Variants in ADCY9 observed in about 807,000 individuals in gnomAD.
ADCY9 encodes the protein adenylate cyclase type 9.
ADCY9 carries 50 observed loss-of-function variants against 101.5 expected under a neutral mutation model. The ratio of observed to expected loss-of-function variants is 0.49; its 90% CI spans 0.39 to 0.62. The LOEUF (loss-of-function observed/expected upper bound fraction) is 0.62, where lower values mean the gene tolerates loss of function less well. Ranked by LOEUF, ADCY9 falls within the 20% of genes least tolerant of loss-of-function variation. The pLI is 0.00. For missense variants in ADCY9, 1,662 were observed against 1,800.4 expected, an observed-to-expected ratio of 0.92 and a Z score of 1.39; for synonymous variants, 905 against 769.3, an observed-to-expected ratio of 1.18 and a Z score of -2.92.
At position 4,115,437 on chromosome 16, in the gene ADCY9, A is replaced by G; in HGVS notation, c.6T>C (p.Ala2=). 6.5e-7 allele frequency: 1 copy of G among 1,546,742 alleles called. No individual in the cohort carries two copies. Among genetic ancestry groups the G allele is most frequent in the Non-Finnish European group, 8.7e-7 (1 of 1,145,644 alleles). Residue 2 remains alanine (A), a synonymous_variant, in exon 2 of 11, where the codon GCT becomes GCC. Coordinates refer to ENST00000294016, the MANE Select transcript of ADCY9 (RefSeq NM_001116.4). This position sits in a 1 kb window ranked among gnomAD's most constrained non-coding sequence, Gnocchi z 6.2. M[A]SPPHQQLLHH... The stretch of plus-strand genomic sequence containing the variant: ...GCAGCAGCTGCTGGTGGGGTGGGGA[A>G]GCCATGTTGTCGAGTCCCGGGGCCT...
At chr16:4,018,193 T>C (rs548698455) in intron 2 of ADCY9, among the ~76,000 whole-genome samples, 2 of 151,560 alleles carry the variant, frequency 1.3e-5, no homozygotes, top group East Asian at 3.9e-4. Context: ...GGAAAAGCTC[T>C]AAGTTGCGGA....
chr16:4,082,998 G>C lies in ADCY9; in HGVS notation c.1693+30752C>G, dbSNP rs190152993. 2.7e-3 allele frequency among the ~76,000 whole-genome samples: 412 copies of C among 152,328 alleles called. 4 individuals are homozygous for C. Among genetic ancestry groups the C allele is most frequent in the African/African-American group, 9.5e-3 (396 of 41,582 alleles). ...CACTGTGTCATTCGGAATGGCTGCA[G>C]CCACTTTGTGCCACAAGGGAAGACA... On this transcript the variant is annotated intron_variant, in intron 2 of 10. Transcript: ENST00000294016.
At chr16:4,091,064 A>ATTATT (rs139952300) in intron 2 of ADCY9, among the ~76,000 whole-genome samples, 4 of 151,460 alleles carry the variant, frequency 2.6e-5, no homozygotes, top group East Asian at 2.0e-4. Context: ...TTCCTATTTT[A>ATTATT]TTATTTTATT....
At chr16:4,014,110 G>C (rs955405961) in intron 2 of ADCY9, among the ~76,000 whole-genome samples, 5 of 152,156 alleles carry the variant, frequency 3.3e-5, no homozygotes, top group African/African-American at 9.7e-5. Context: ...GTTGTGCTCA[G>C]GAGTTTGAGA....
intron 2 of ADCY9, among the ~76,000 whole-genome samples, chr16:4,063,606 G>C (rs555539074): frequency 1.1e-4 from 17 of 151,952 alleles, no homozygotes; most frequent in African/African-American, 3.1e-4. Context: ...CAGCTCCTTG[G>C]GGGGCTGAGG....
rs1381298218 is a variant in ADCY9 at position 3,965,331 on chromosome 16, CAG to C, written c.*442_*443del. The C allele has an allele frequency of 1.0e-5, 2 of 193,860 alleles. No homozygotes were observed. Among genetic ancestry groups the C allele is most frequent in the African/African-American group, 4.7e-5 (2 of 42,434 alleles). 12.0% of individuals were successfully genotyped at this position (193,860 alleles called of 1,614,324 possible). ...TCGTAGAGGAACACTGTGACATAGA[CAG>C]AAACAAAATAAACTCAAAAACAGGG... On this transcript the variant is annotated 3_prime_UTR_variant, in exon 11 of 11. Coordinates refer to ENST00000294016, the MANE Select transcript of ADCY9 (RefSeq NM_001116.4).
At position 4,097,541 on chromosome 16, in the gene ADCY9, ATATATATATATATT is replaced by A. The variant is rs1454717149; in HGVS notation, c.1693+16195_1693+16208del. ...AATACATATGTACATATATATATAT[ATATATATATATATT>A]TTTTTTTTTTTTTTTTAAGACAGAG... On this transcript the variant is annotated intron_variant, in intron 2 of 10. Coordinates refer to ENST00000294016, the MANE Select transcript of ADCY9 (RefSeq NM_001116.4). 8.3e-5 allele frequency among the ~76,000 whole-genome samples: 4 copies of A among 48,238 alleles called. 1 individual carries two copies. The highest frequency in any genetic ancestry group is 3.7e-4 in the African/African-American group (3 of 8,122). The allele number at this position is 48,238 out of a possible 152,430, so 31.6% of individuals were successfully genotyped here.
At chr16:4,113,129 C>G (rs1287674638) in intron 2 of ADCY9, among the ~76,000 whole-genome samples, 1 of 151,410 alleles carries the variant, frequency 6.6e-6, no homozygotes. Context: ...ATAAAATATC[C>G]TTAAACAAAT....
intron 2 of ADCY9, among the ~76,000 whole-genome samples, chr16:4,100,123 C>A (rs546526851): frequency 6.6e-6 from 1 of 152,128 alleles, no homozygotes; most frequent in South Asian, 2.1e-4. Context: ...GGAGTTCTCA[C>A]GAGACCTGAT....
chr16:4,014,667 C>T (rs1351960149), intron 2 of ADCY9, among the ~76,000 whole-genome samples: 1 of 151,922 alleles, frequency 6.6e-6, no homozygotes, highest in Non-Finnish European at 1.5e-5. Flanking sequence ...AGGCTGGTCT[C>T]GAACTCCTGA....
chr16:4,105,677 C>CAAAA (rs35983934), intron 2 of ADCY9, among the ~76,000 whole-genome samples: 1 of 81,646 alleles, frequency 1.2e-5, no homozygotes, highest in African/African-American at 4.4e-5. Context: ...GACTCCGTCT[C>CAAAA]AAAAAAAAAA....
At chr16:4,040,586 A>G (rs1275970482) in intron 2 of ADCY9, among the ~76,000 whole-genome samples, 3 of 152,010 alleles carry the variant, frequency 2.0e-5, no homozygotes, top group Admixed American at 6.6e-5. Flanking sequence ...CCTCCCGAGT[A>G]GCTAGGATTA....
chr16:4,022,600 G>A (rs918142047), intron 2 of ADCY9, among the ~76,000 whole-genome samples: 4 of 149,222 alleles, frequency 2.7e-5, no homozygotes, highest in East Asian at 4.0e-4. Context: ...GTGTATATCC[G>A]TGCATATGTG....
intron 2 of ADCY9, among the ~76,000 whole-genome samples, chr16:4,110,182 T>C (rs1360797440): frequency 6.6e-6 from 1 of 152,092 alleles, no homozygotes; most frequent in Admixed American, 6.6e-5. Context: ...CGCCCCAAAG[T>C]GGGGCCGAGC....
intron 2 of ADCY9, among the ~76,000 whole-genome samples, chr16:4,077,537 A>G (rs1044575112): frequency 2.0e-5 from 3 of 152,154 alleles, no homozygotes; most frequent in Admixed American, 6.5e-5. Context: ...AGGTATATGC[A>G]CACACACACA....
intron 2 of ADCY9, among the ~76,000 whole-genome samples, chr16:4,007,811 T>C (rs1370569119): frequency 6.6e-6 from 1 of 151,816 alleles, no homozygotes; most frequent in African/African-American, 2.4e-5. Context: ...TGTTTCATGT[T>C]TTACCTTCAG....
At position 4,114,569 on chromosome 16, in the gene ADCY9, G is replaced by T; in HGVS notation, c.874C>A (p.His292Asn). 1 of 1,614,044 alleles carries T rather than the reference G, an allele frequency of 6.2e-7. No homozygotes were observed. The change falls in exon 2 of 11, where the codon CAC becomes AAC. Residue 292 changes from histidine to asparagine, a missense_variant. Coordinates refer to ENST00000294016, the MANE Select transcript of ADCY9 (RefSeq NM_001116.4). The surrounding 1 kb of genome is among the most constrained non-coding windows in gnomAD (Gnocchi z 4.3). ...LSRGLLHGCI[H>N]AIGVHLFVMS... ...ACGAACAGGTGGACCCCGATGGCGT[G>T]GATGCAGCCGTGGAGCAGCCCCCTG...
chr16:4,068,164 C>T (rs951051993), intron 2 of ADCY9, among the ~76,000 whole-genome samples: 6 of 152,116 alleles, frequency 3.9e-5, no homozygotes, highest in Admixed American at 3.9e-4. Flanking sequence ...CCCACCTGCA[C>T]CCCTTTACAG....
intron 5 of ADCY9, among the ~76,000 whole-genome samples, chr16:3,956,998 T>G (rs1354755330): frequency 6.6e-6 from 1 of 152,190 alleles, no homozygotes; most frequent in Non-Finnish European, 1.5e-5. Flanking sequence ...ATGAATCTTA[T>G]GAAAAGAGCG....
Sources: allele counts gnomAD v4.1 joint callset (sites outside exome capture counted in the v4.1 genomes callset), GRCh38; gene constraint gnomAD v4.1.1; non-coding constraint Gnocchi (gnomAD v3.1); transcripts MANE v1.5; gene names NCBI Gene and HGNC (gene_info 2026-07-23, HGNC 2026-07-21).